ADGRL2: variants seen among roughly 807,000 people sequenced by gnomAD.
ADGRL2 encodes the protein adhesion G protein-coupled receptor L2, also known as calcium-independent alpha-latrotoxin receptor 2.
ADGRL2 carries 44 observed loss-of-function variants against 157.4 expected under a neutral mutation model. The observed-to-expected ratio is 0.28, with a 90% CI of 0.22 to 0.36. The LOEUF is 0.36. Among genes scored for constraint, ADGRL2 ranks in the 10% least tolerant of loss-of-function variants. ADGRL2 has a pLI of 1.00. For missense variants in ADGRL2, 1,510 were observed against 1,768.9 expected (o/e 0.85, Z 2.63); for synonymous variants, 585 against 624.7 (o/e 0.94, Z 0.95).
intron 3 of ADGRL2, among the ~76,000 whole-genome samples, chr1:81,647,296 T>G (rs2082332402): frequency 6.6e-6 from 1 of 152,162 alleles, no homozygotes; most frequent in Admixed American, 6.5e-5. Flanking sequence ...TGATGAGACT[T>G]CACCTTATTT....
intron 2 of ADGRL2, among the ~76,000 whole-genome samples, chr1:81,498,004 A>G (rs1415339814): frequency 1.3e-5 from 2 of 152,202 alleles, no homozygotes; most frequent in African/African-American, 4.8e-5. Context: ...CAGGAGATCA[A>G]GATCATCCTG....
chr1:81,461,967 G>T (rs1213346088), intron 2 of ADGRL2, among the ~76,000 whole-genome samples: 1 of 147,282 alleles, frequency 6.8e-6, no homozygotes, highest in South Asian at 2.2e-4. Flanking sequence ...AGAGACAAAG[G>T]AAGGGAAAGA....
At chr1:81,726,857 C>T (rs1173348433) in intron 1 of ADGRL2, among the ~76,000 whole-genome samples, 5 of 152,158 alleles carry the variant, frequency 3.3e-5, no homozygotes, top group African/African-American at 4.8e-5. Flanking sequence ...AATAAGAATC[C>T]ATCCTAAGCT....
At chr1:81,447,624 C>A (rs564507015) in intron 2 of ADGRL2, among the ~76,000 whole-genome samples, 1 of 152,140 alleles carries the variant, frequency 6.6e-6, no homozygotes, top group South Asian at 2.1e-4. Flanking sequence ...TTTTGATATA[C>A]AACTTGAAGA....
chr1:81,403,238 T>C (rs76185649), intron 1 of ADGRL2, among the ~76,000 whole-genome samples: 3 of 96,210 alleles, frequency 3.1e-5, no homozygotes, highest in Non-Finnish European at 4.6e-5. Flanking sequence ...GTTTTTTTTT[T>C]GTTGTTGTTT....
chr1:81,382,162 G>A (rs2076354899), intron 1 of ADGRL2, among the ~76,000 whole-genome samples: 1 of 152,088 alleles, frequency 6.6e-6, no homozygotes, highest in Non-Finnish European at 1.5e-5. Flanking sequence ...TAATTATATA[G>A]TATTTTTCCA....
At chr1:81,944,583 GTAT>G (rs1319533237) in intron 6 of ADGRL2, among the ~76,000 whole-genome samples, 1 of 152,020 alleles carries the variant, frequency 6.6e-6, no homozygotes, top group African/African-American at 2.4e-5. Flanking sequence ...ATTTGTTAAT[GTAT>G]TATTATAGAG....
chr1:81,888,359 T>C (rs1436398979), intron 2 of ADGRL2, among the ~76,000 whole-genome samples: 3 of 152,240 alleles, frequency 2.0e-5, no homozygotes, highest in Admixed American at 6.5e-5. Flanking sequence ...GTATGTGAAA[T>C]GTTGAAAGAC....
chr1:81,942,067 C>T (rs759776310), intron 5 of ADGRL2, 22 bp downstream of exon 5: 6 of 765,586 alleles, frequency 7.8e-6, no homozygotes, highest in East Asian at 2.5e-5. Flanking sequence ...ACAGTCTGAA[C>T]CCCAGCTCCC....
intron 2 of ADGRL2, among the ~76,000 whole-genome samples, chr1:81,448,661 C>A (rs1021088669): frequency 3.3e-5 from 5 of 151,590 alleles, no homozygotes; most frequent in African/African-American, 4.9e-5. Flanking sequence ...CATGCCTGGG[C>A]AACATGGAAA....
At position 81,691,880 on chromosome 1, in the gene ADGRL2, G is replaced by GTA. The variant is rs58043778; in HGVS notation, c.-142-69917_-142-69916dup. ...TATATATATATGGGTGTGTGTGTGTGTATATATATATATATGTATGTGTAT... is the reference window on the plus strand; with the variant it reads ...TATATATATATGGGTGTGTGTGTGTGTATATATATATATATATGTATGTGTAT... On this transcript the variant is annotated intron_variant, in intron 3 of 24. Coordinates refer to the ADGRL2 transcript ENST00000370721. Among the ~76,000 whole-genome samples the GTA allele has an allele frequency of 4.3e-4, 52 of 119,868 alleles. 2 individuals are homozygous for GTA. The highest frequency in any genetic ancestry group is 2.6e-3 in the East Asian group (11 of 4,256). The allele number at this position is 119,868 out of a possible 152,430, so 78.6% of individuals were successfully genotyped here.
intron 2 of ADGRL2, among the ~76,000 whole-genome samples, chr1:81,536,866 G>A (rs773913508): frequency 9.9e-5 from 15 of 152,266 alleles, no homozygotes; most frequent in South Asian, 2.1e-4. Context: ...TGCCTACTGC[G>A]TGAAGGGCAC....
At position 81,818,677 on chromosome 1, in the gene ADGRL2, T is replaced by C. The variant is rs557617378; in HGVS notation, c.-101+17609T>C. On this transcript the variant is annotated intron_variant, in intron 1 of 23. Coordinates refer to ENST00000686636, the MANE Select transcript of ADGRL2 (RefSeq NM_001366006.2). Reference sequence around the variant, plus strand: ...CCATGCCAGGAAAACTGTACTGTTATGTAAGGACTGTGCTCACTAGGTTCA... The same window carrying C: ...CCATGCCAGGAAAACTGTACTGTTACGTAAGGACTGTGCTCACTAGGTTCA... 1.8e-3 allele frequency among the ~76,000 whole-genome samples: 273 copies of C among 152,310 alleles called. 1 individual carries two copies. The highest frequency in any genetic ancestry group is 6.3e-3 in the African/African-American group (264 of 41,584).
chr1:81,361,786 T>C (rs932079795), intron 1 of ADGRL2, among the ~76,000 whole-genome samples: 1 of 151,908 alleles, frequency 6.6e-6, no homozygotes, highest in African/African-American at 2.4e-5. Context: ...GTACCTATTA[T>C]ATACAGGGCA....
intron 1 of ADGRL2, among the ~76,000 whole-genome samples, chr1:81,755,910 G>A (rs1469801974): frequency 1.1e-4 from 17 of 152,042 alleles, no homozygotes; most frequent in Admixed American, 1.1e-3. Context: ...CATCACCAGG[G>A]AAGTTGTTAG....
At chr1:81,502,952 G>A (rs2078887194) in intron 2 of ADGRL2, 2 of 1,612,728 alleles carry the variant, frequency 1.2e-6, no homozygotes, top group Admixed American at 1.7e-5. Context: ...CTCAGGAAAG[G>A]TGATGGAGCC....
chr1:81,944,702 G>T (rs188365094), intron 6 of ADGRL2, among the ~76,000 whole-genome samples: 215 of 151,940 alleles, frequency 1.4e-3, no homozygotes, highest in Non-Finnish European at 2.2e-3. Context: ...CAAAATTTTA[G>T]GAACTAGAAA....
chr1:81,943,211 G>A lies in ADGRL2; in HGVS notation c.652G>A (p.Val218Met). 3.1e-6 allele frequency: 5 copies of A among 1,613,550 alleles called. No individual in the cohort carries two copies. Among genetic ancestry groups the A allele is most frequent in the Non-Finnish European group, 4.2e-6 (5 of 1,179,622 alleles). ...PNRVDGTGFV[V>M]YDGAVFFNKE... ...TCGAGTAGATGGTACTGGATTTGTG[G>A]TGTATGATGGTGCTGTCTTCTTTAA... The change falls in exon 6 of 24, where the codon GTG becomes ATG. Residue 218 changes from valine (V) to methionine (M), a missense_variant. Physicochemically the swap from Val to Met is conservative, Grantham distance 21 (BLOSUM62 1). This residue lies in a region of ADGRL2 where 361 missense variants were observed against 498.4 expected (regional missense o/e 0.72). Transcript: ENST00000686636. The surrounding 1 kb of genome is among the most constrained non-coding windows in gnomAD (Gnocchi z 5.6).
intron 2 of ADGRL2, among the ~76,000 whole-genome samples, chr1:81,471,520 C>A (rs1408963633): frequency 6.6e-6 from 1 of 152,066 alleles, no homozygotes; most frequent in African/African-American, 2.4e-5. Context: ...ATAACGTACT[C>A]CCTTTGCAAG....
Sources: gnomAD v4.1 joint callset for allele counts (sites outside exome capture counted in the v4.1 genomes callset) on GRCh38, gnomAD v4.1.1 for gene constraint, gnomAD v4.1.1 regional missense constraint, Gnocchi (gnomAD v3.1) non-coding constraint, MANE v1.5 for transcripts, NCBI Gene and HGNC (gene_info 2026-07-23, HGNC 2026-07-21) for gene names.